Variants in ADNP2 observed in about 807,000 individuals in gnomAD.
The protein encoded by ADNP2 is ADNP homeobox 2, also known as activity-dependent neuroprotector homeobox protein 2.
In ADNP2, 8 loss-of-function variants were observed where a neutral mutation model predicts 16.4. The observed-to-expected ratio is 0.49, with a 90% CI of 0.29 to 0.88. The LOEUF (loss-of-function observed/expected upper bound fraction) is 0.88, where lower values mean the gene tolerates loss of function less well. Among genes scored for constraint, ADNP2 ranks in the 40% least tolerant of loss-of-function variants. The pLI is 0.09. For missense variants in ADNP2, 1,397 were observed against 1,395.1 expected, an observed-to-expected ratio of 1.00 and a Z score of -0.02; for synonymous variants, 637 against 545.8, an observed-to-expected ratio of 1.17 and a Z score of -2.33.
chr18:80,134,414 TGTGTGA>T (rs1423011933), intron 3 of ADNP2, among the ~76,000 whole-genome samples: 6 of 145,436 alleles, frequency 4.1e-5, no homozygotes, highest in African/African-American at 2.5e-5. Flanking sequence ...TGTGTGTGTG[TGTGTGA>T]GAGAGAGTGA....
chr18:80,119,572 G>A (rs974288793), intron 2 of ADNP2, among the ~76,000 whole-genome samples: 5 of 152,168 alleles, frequency 3.3e-5, no homozygotes, highest in African/African-American at 7.2e-5. Context: ...GATTTACACA[G>A]CACATGTGAC....
Position 80,137,894 on chromosome 18 carries a change from C to CA in ADNP2, c.2482dup (p.Ile828AsnfsTer37). ...TCTTTCCCCACCTTGATTTCATCAC[C>CA]ATATTGCCAAAGGAGAAGCTTGGGG... On this transcript the variant is annotated frameshift_variant, in exon 4 of 4. Coordinates refer to ENST00000262198, the MANE Select transcript of ADNP2 (RefSeq NM_014913.4). LOFTEE classifies it low-confidence loss of function (END_TRUNC). The surrounding 1 kb of genome is among the most constrained non-coding windows in gnomAD (Gnocchi z 4.2). 1.2e-6 allele frequency: 2 copies of CA among 1,614,028 alleles called. No individual in the cohort carries two copies. Among genetic ancestry groups the CA allele is most frequent in the Non-Finnish European group, 8.5e-7 (1 of 1,180,038 alleles).
chr18:80,122,615 G>C (rs1411949970), intron 2 of ADNP2, among the ~76,000 whole-genome samples: 1 of 152,292 alleles, frequency 6.6e-6, no homozygotes, highest in Non-Finnish European at 1.5e-5. Flanking sequence ...ATAATTTCCT[G>C]TTCAGATTTT....
chr18:80,117,359 G>C (rs2052395939), intron 1 of ADNP2, among the ~76,000 whole-genome samples, 171 bp from the exon 2 acceptor site: 1 of 152,084 alleles, frequency 6.6e-6, no homozygotes. Context: ...TTTGTATATG[G>C]TGTAAGGAAG....
intron 2 of ADNP2, among the ~76,000 whole-genome samples, chr18:80,125,371 C>T (rs1418026558): frequency 1.3e-5 from 2 of 151,918 alleles, no homozygotes; most frequent in African/African-American, 2.4e-5. Flanking sequence ...AGGCCGGGGG[C>T]GGTGGCTCAC....
intron 2 of ADNP2, among the ~76,000 whole-genome samples, chr18:80,130,635 AT>A (rs543640606): frequency 5.0e-4 from 76 of 152,200 alleles, no homozygotes; most frequent in African/African-American, 1.7e-3. Context: ...ATACAGTTTT[AT>A]TTAAAACCCT....
At chr18:80,126,526 C>G (rs2052460086) in intron 2 of ADNP2, among the ~76,000 whole-genome samples, 1 of 152,122 alleles carries the variant, frequency 6.6e-6, no homozygotes, top group African/African-American at 2.4e-5. Flanking sequence ...GAGATTTTTG[C>G]TAGGTGTGGA....
intron 2 of ADNP2, among the ~76,000 whole-genome samples, chr18:80,132,878 C>G (rs2052507234): frequency 2.6e-5 from 4 of 152,100 alleles, no homozygotes; most frequent in Admixed American, 2.6e-4. Flanking sequence ...TGCCACCATG[C>G]CCAGCTAATT....
intron 2 of ADNP2, among the ~76,000 whole-genome samples, chr18:80,121,621 T>C (rs1161346167): frequency 1.3e-5 from 2 of 152,230 alleles, no homozygotes; most frequent in Non-Finnish European, 2.9e-5. Context: ...TCCAAGGTCA[T>C]GAAAATTTTC....
rs752477945 is a variant in ADNP2, at chr18:80,117,533, A to G, written c.-10A>G. ...TTTTGTTTTCTTTCCTTTTAAGGAA[A>G]ATTTCAAAAATGTTTCAAATTCCTG... On this transcript the variant is annotated 5_prime_UTR_variant, in exon 2 of 4. Transcript: ENST00000262198. 6.3e-7 allele frequency: 1 copy of G among 1,580,780 alleles called. No homozygotes were observed. Among genetic ancestry groups the G allele is most frequent in the Non-Finnish European group, 8.6e-7 (1 of 1,167,592 alleles).
At chr18:80,111,792 G>T (rs893481622) in intron 1 of ADNP2, among the ~76,000 whole-genome samples, 10 of 151,918 alleles carry the variant, frequency 6.6e-5, no homozygotes, top group African/African-American at 2.2e-4. Context: ...TGATCTGCCC[G>T]CCTTAGCCTT....
In ADNP2 at chr18:80,122,630, T is replaced by C. The variant is rs1269755820; in HGVS notation, c.108+4980T>C. ...ATAATTTCCTGTTCAGATTTTTCAG[T>C]GCAGATATATAGAAACAACTGATTT... On this transcript the variant is annotated intron_variant, in intron 2 of 3. Coordinates refer to ENST00000262198, the MANE Select transcript of ADNP2 (RefSeq NM_014913.4). Among the ~76,000 whole-genome samples the C allele has an allele frequency of 2.6e-5, 4 of 152,386 alleles. No individual in the cohort carries two copies. The East Asian group carries it at 7.7e-4, about 29-fold the overall frequency.
chr18:80,110,234 A>C (rs756372312), intron 1 of ADNP2, among the ~76,000 whole-genome samples: 2 of 152,324 alleles, frequency 1.3e-5, no homozygotes, highest in Admixed American at 1.3e-4. Context: ...TTTCTACTAC[A>C]GTTGACTTTG....
intron 2 of ADNP2, among the ~76,000 whole-genome samples, chr18:80,130,582 G>A (rs1006103771): frequency 2.0e-5 from 3 of 152,172 alleles, no homozygotes; most frequent in Non-Finnish European, 4.4e-5. Context: ...AATGGAAAAT[G>A]TTTTTCTTGT....
chr18:80,123,712 G>A (rs1254699765), intron 2 of ADNP2, among the ~76,000 whole-genome samples: 1 of 151,150 alleles, frequency 6.6e-6, no homozygotes, highest in Non-Finnish European at 1.5e-5. Flanking sequence ...AAAAATTGAT[G>A]TTAGTTCTTT....
rs776148926 is a variant in ADNP2, at chr18:80,137,700, C to A, written c.2287C>A (p.His763Asn). The A allele has an allele frequency of 5.0e-6, 8 of 1,614,100 alleles. No individual in the cohort carries two copies. Among genetic ancestry groups the A allele is most frequent in the Non-Finnish European group, 6.8e-6 (8 of 1,180,038 alleles). ...KCLVSEEELIHHLLMHGLGCL... is the reference protein window; with the variant it reads ...KCLVSEEELINHLLMHGLGCL... ...CTTGGTCTCTGAGGAAGAGCTTATA[C>A]ACCACTTGCTGATGCATGGCTTGGG... The change falls in exon 4 of 4, where the codon CAC (histidine) becomes AAC (asparagine). Residue 763 changes from histidine to asparagine, a missense_variant. His to Asn is a moderately conservative substitution (Grantham distance 68, BLOSUM62 1). Around this residue, in one of 3 missense-constraint regions of ADNP2, gnomAD observed 611 missense variants for 648.7 expected, o/e 0.94. Coordinates refer to ENST00000262198, the MANE Select transcript of ADNP2 (RefSeq NM_014913.4). This position sits in a 1 kb window ranked among gnomAD's most constrained non-coding sequence, Gnocchi z 4.2.
Position 80,118,639 on chromosome 18 carries a change from T to G in ADNP2, c.108+989T>G, listed in dbSNP as rs566032981. ...TCTGTTAGGAAATTTGTTTTATTTT[T>G]AAGTAACATGTCAGTAACAACAAAA... On this transcript the variant is annotated intron_variant, in intron 2 of 3. Coordinates refer to ENST00000262198, the MANE Select transcript of ADNP2 (RefSeq NM_014913.4). Among the ~76,000 whole-genome samples the G allele has an allele frequency of 2.0e-5, 3 of 152,304 alleles. No individual in the cohort carries two copies. In the East Asian group the frequency reaches 5.8e-4, roughly 29 times the overall value.
chr18:80,136,319 C>T lies in ADNP2; in HGVS notation c.906C>T (p.Ser302=), dbSNP rs562598686. 81 of 1,614,104 alleles carry T rather than the reference C, an allele frequency of 5.0e-5. No homozygotes were observed. The Admixed American group carries it at 8.8e-4, about 18-fold the overall frequency. Residue 302 remains serine (S), a synonymous_variant, in exon 4 of 4, where the codon AGC becomes AGT. Coordinates refer to ENST00000262198, the MANE Select transcript of ADNP2 (RefSeq NM_014913.4). ...TTGCTTTGCCACAGAACAGTCCAAGCCCAGCCGCAGGACAGCCAGTGACTG... is the reference window on the plus strand; with the variant it reads ...TTGCTTTGCCACAGAACAGTCCAAGTCCAGCCGCAGGACAGCCAGTGACTG... ...FHLALPQNSP[S]PAAGQPVTVA...
chr18:80,112,985 A>G (rs996099424), intron 1 of ADNP2, among the ~76,000 whole-genome samples: 1 of 152,230 alleles, frequency 6.6e-6, no homozygotes, highest in Non-Finnish European at 1.5e-5. Context: ...GGAGGAAATG[A>G]AATCAAGTCT....
Sources: gnomAD v4.1 joint callset for allele counts (sites outside exome capture counted in the v4.1 genomes callset) on GRCh38, gnomAD v4.1.1 for gene constraint, gnomAD v4.1.1 regional missense constraint, Gnocchi (gnomAD v3.1) non-coding constraint, MANE v1.5 for transcripts, NCBI Gene and HGNC (gene_info 2026-07-23, HGNC 2026-07-21) for gene names.